Variants in ASTN1 observed in about 807,000 individuals in gnomAD.
ASTN1 encodes astrotactin 1, also known as astrotactin-1.
Under a neutral mutation model 140.7 loss-of-function variants are expected in ASTN1, and 41 were observed. The ratio of observed to expected loss-of-function variants is 0.29; its 90% CI spans 0.23 to 0.38. The LOEUF (loss-of-function observed/expected upper bound fraction) is 0.38. Ranked by LOEUF, ASTN1 falls within the 10% of genes least tolerant of loss-of-function variation. The probability of loss-of-function intolerance (pLI) is 1.00; values close to 1 mark genes in which losing one functional copy is unlikely to be tolerated. For synonymous variants in ASTN1, 640 were observed against 652.2 expected (o/e 0.98, Z 0.29); for missense variants, 1,479 against 1,678.8 (o/e 0.88, Z 2.08).
rs898485469 is a variant in ASTN1 at position 176,932,380 on chromosome 1, T to G, written c.2671+1772A>C. On this transcript the variant is annotated intron_variant, in intron 16 of 22. Transcript: ENST00000361833. ...CTCCCTTTGTCTTACGCACGTATCA[T>G]TCTTTATCAGTGACATTCCCTTTTG... 7.9e-5 allele frequency among the ~76,000 whole-genome samples: 12 copies of G among 152,298 alleles called. No homozygotes were observed. The South Asian group carries it at 2.3e-3, about 29-fold the overall frequency.
In ASTN1 at chr1:176,877,027, G is replaced by A. The variant is rs1217452970; in HGVS notation, c.3363-390C>T. ...GGGAACCAGACCTCTGTGCTTTCCCGGGTGTTCCAGGTGACTCTGGTGCCT... is the reference window on the plus strand; with the variant it reads ...GGGAACCAGACCTCTGTGCTTTCCCAGGTGTTCCAGGTGACTCTGGTGCCT... On this transcript the variant is annotated intron_variant, in intron 20 of 22. Coordinates refer to ENST00000361833, the MANE Select transcript of ASTN1 (RefSeq NM_004319.3). Among the ~76,000 whole-genome samples the A allele has an allele frequency of 5.3e-5, 8 of 152,226 alleles. No individual in the cohort carries two copies. The East Asian group carries it at 7.7e-4, about 15-fold the overall frequency.
intron 2 of ASTN1, among the ~76,000 whole-genome samples, chr1:177,059,881 A>T (rs928448116): frequency 6.6e-6 from 1 of 152,186 alleles, no homozygotes; most frequent in Admixed American, 6.5e-5. Flanking sequence ...CAGTGAAATA[A>T]TCTACACCCT....
At chr1:177,088,991 C>T (rs1189565769) in intron 1 of ASTN1, among the ~76,000 whole-genome samples, 2 of 152,030 alleles carry the variant, frequency 1.3e-5, no homozygotes, top group African/African-American at 2.4e-5. Flanking sequence ...AAGTCATATC[C>T]CTACTCGTAT....
intron 1 of ASTN1, among the ~76,000 whole-genome samples, chr1:177,121,270 C>T (rs1002577504): frequency 6.6e-6 from 1 of 151,944 alleles, no homozygotes. Flanking sequence ...GATCTATGCC[C>T]CTAAAAAAGC....
intron 1 of ASTN1, among the ~76,000 whole-genome samples, chr1:177,078,887 A>G (rs749758354): frequency 3.3e-5 from 5 of 152,200 alleles, no homozygotes; most frequent in Non-Finnish European, 7.3e-5. Flanking sequence ...GACAGCCAAA[A>G]TCAGAATTTG....
chr1:177,142,786 T>C (rs1349722923), intron 1 of ASTN1, among the ~76,000 whole-genome samples: 1 of 151,388 alleles, frequency 6.6e-6, no homozygotes, highest in Non-Finnish European at 1.5e-5. Context: ...CTGATTTCTA[T>C]AAGGACAATG....
At chr1:176,901,546 A>G (rs1367953911) in intron 16 of ASTN1, among the ~76,000 whole-genome samples, 1 of 152,222 alleles carries the variant, frequency 6.6e-6, no homozygotes, top group Non-Finnish European at 1.5e-5. Context: ...ACTTGCAGTC[A>G]TACTGGGATT....
rs1229592373 is a variant in ASTN1 at position 176,958,494 on chromosome 1, C to T, written c.1599-12G>A. The T allele has an allele frequency of 6.2e-7, 1 of 1,604,112 alleles. No homozygotes were observed. Among genetic ancestry groups the T allele is most frequent in the Admixed American group, 1.7e-5 (1 of 58,808 alleles). On this transcript the variant is annotated splice_polypyrimidine_tract_variant and intron_variant, in intron 9 of 22. Transcript: ENST00000361833. ...GAGTGTAGGTGAATCTGCAGGGACA[C>T]CCAGTGCCAGGTGGTCATGACTGGG...
intron 16 of ASTN1, among the ~76,000 whole-genome samples, chr1:176,901,691 G>A (rs1669774520): frequency 6.6e-6 from 1 of 152,152 alleles, no homozygotes; most frequent in Non-Finnish European, 1.5e-5. Context: ...ATGCTGCCCA[G>A]TCTCAGTCTG....
rs1444947732 is a variant in ASTN1 at position 177,057,591 on chromosome 1, A to G, written c.471+3487T>C. Among the ~76,000 whole-genome samples the G allele has an allele frequency of 2.0e-5, 3 of 152,330 alleles. No individual in the cohort carries two copies. The East Asian group carries it at 5.8e-4, about 29-fold the overall frequency. On this transcript the variant is annotated intron_variant, in intron 2 of 22. Coordinates refer to ENST00000361833, the MANE Select transcript of ASTN1 (RefSeq NM_004319.3). ...GTTAGGATTATTAGTTAAGCTTTTA[A>G]TTATACATTTTCTTAACAGAAGAGG...
chr1:176,864,193 A>C lies in ASTN1; in HGVS notation c.*91T>G. ...GTTGCTGTGGAGGTTTTCATGTTCC[A>C]TTAAAAAATATTAAAAATCCACAGA... On this transcript the variant is annotated 3_prime_UTR_variant, in exon 23 of 23. Transcript: ENST00000361833. The C allele has an allele frequency of 1.3e-6, 2 of 1,518,980 alleles. No individual in the cohort carries two copies. The highest frequency in any genetic ancestry group is 1.3e-5 in the South Asian group (1 of 76,238). The allele number at this position is 1,518,980 out of a possible 1,614,324, so 94.1% of individuals were successfully genotyped here.
chr1:177,084,481 AT>A (rs1294341045), intron 1 of ASTN1, among the ~76,000 whole-genome samples: 10 of 152,172 alleles, frequency 6.6e-5, no homozygotes, highest in South Asian at 4.1e-4. Flanking sequence ...TATTATCCCA[AT>A]CCAGATCTAT....
At chr1:176,973,590 C>A (rs1281124003) in intron 8 of ASTN1, among the ~76,000 whole-genome samples, 1 of 152,166 alleles carries the variant, frequency 6.6e-6, no homozygotes, top group Non-Finnish European at 1.5e-5. Context: ...TTTCCTCGTT[C>A]ATTCACTCTC....
At chr1:176,908,804 G>A (rs1571493788) in intron 16 of ASTN1, among the ~76,000 whole-genome samples, 1 of 152,032 alleles carries the variant, frequency 6.6e-6, no homozygotes, top group South Asian at 2.1e-4. Flanking sequence ...CAACCAGAAG[G>A]TATAAACGTG....
intron 1 of ASTN1, among the ~76,000 whole-genome samples, chr1:177,142,902 A>AG (rs1443659168): frequency 2.2e-5 from 3 of 137,240 alleles, no homozygotes; most frequent in Admixed American, 6.9e-5. Flanking sequence ...GAAAAAAAAA[A>AG]AGGGGGGGAG....
intron 1 of ASTN1, among the ~76,000 whole-genome samples, chr1:177,159,645 C>A (rs1227574535): frequency 6.6e-6 from 1 of 152,204 alleles, no homozygotes; most frequent in East Asian, 1.9e-4. Context: ...CAAGACCACC[C>A]AATACAAAGA....
chr1:176,932,271 T>C (rs1418650629), intron 16 of ASTN1, among the ~76,000 whole-genome samples: 4 of 152,188 alleles, frequency 2.6e-5, no homozygotes, highest in African/African-American at 9.7e-5. Flanking sequence ...TCACAGAAGG[T>C]ATAGCCCTTG....
chr1:177,027,547 G>T (rs772304122), intron 5 of ASTN1, among the ~76,000 whole-genome samples: 1 of 150,070 alleles, frequency 6.7e-6, no homozygotes, highest in South Asian at 2.1e-4. Flanking sequence ...TTACCATCTC[G>T]TGTGCGTATA....
intron 8 of ASTN1, among the ~76,000 whole-genome samples, chr1:176,979,415 G>T (rs544566834): frequency 3.9e-5 from 6 of 152,272 alleles, no homozygotes; most frequent in African/African-American, 1.4e-4. Context: ...TTCTGACCTG[G>T]TTGGTCCTTT....
Sources: gnomAD v4.1 joint callset for allele counts (sites outside exome capture counted in the v4.1 genomes callset) on GRCh38, gnomAD v4.1.1 for gene constraint, MANE v1.5 for transcripts, NCBI Gene and HGNC (gene_info 2026-07-23, HGNC 2026-07-21) for gene names.